FGD5: variants seen among roughly 807,000 people sequenced by gnomAD.
The protein encoded by FGD5 is FYVE, RhoGEF and PH domain containing 5.
FGD5 carries 28 observed loss-of-function variants against 133.4 expected under a neutral mutation model. The ratio of observed to expected loss-of-function variants is 0.21; its 90% CI spans 0.16 to 0.29. FGD5 has a LOEUF of 0.29. Ranked by LOEUF, FGD5 falls within the 10% of genes least tolerant of loss-of-function variation. FGD5 has a pLI of 1.00. For missense variants in FGD5, 1,858 were observed against 1,895.2 expected, an observed-to-expected ratio of 0.98 and a Z score of 0.36; for synonymous variants, 810 against 776.5, an observed-to-expected ratio of 1.04 and a Z score of -0.72.
At chr3:14,831,513 G>A (rs1388768498) in intron 1 of FGD5, among the ~76,000 whole-genome samples, 1 of 152,152 alleles carries the variant, frequency 6.6e-6, no homozygotes, top group African/African-American at 2.4e-5. Flanking sequence ...CTGCTCTGGA[G>A]TGGTTTGGAA....
upstream of FGD5, among the ~76,000 whole-genome samples, chr3:14,816,744 A>C (rs926383887): frequency 6.6e-6 from 1 of 152,202 alleles, no homozygotes; most frequent in Admixed American, 6.5e-5. Context: ...GTACGGAAAC[A>C]AGGAGTTTGA....
chr3:14,920,490 C>CA lies in FGD5; in HGVS notation c.3570-1414dup, dbSNP rs567110354. 2.9e-3 allele frequency: 397 copies of CA among 137,078 alleles called. 6 individuals are homozygous for CA. The South Asian group carries it at 0.039, about 13-fold the overall frequency. 8.5% of individuals were successfully genotyped at this position (137,078 alleles called of 1,614,324 possible). On this transcript the variant is annotated intron_variant, in intron 13 of 19. Transcript: ENST00000285046. ...TGGGCAACATAGTGAGACCCTGTCTCAAAAAAAAAAAAAATTTAAGCATTT... is the reference window on the plus strand; with the variant it reads ...TGGGCAACATAGTGAGACCCTGTCTCAAAAAAAAAAAAAAATTTAAGCATTT...
intron 4 of FGD5, among the ~76,000 whole-genome samples, chr3:14,888,757 G>T (rs1314829267): frequency 6.6e-6 from 1 of 152,214 alleles, no homozygotes; most frequent in Non-Finnish European, 1.5e-5. Context: ...AGCTTTGAAA[G>T]ATCAGCAAGA....
At chr3:14,835,621 C>CT (rs1329230692) in intron 1 of FGD5, among the ~76,000 whole-genome samples, 5 of 152,304 alleles carry the variant, frequency 3.3e-5, no homozygotes, top group Admixed American at 2.6e-4. Context: ...GCTTACAAAG[C>CT]TTTTTTCTCC....
At chr3:14,832,492 AG>A (rs2036731018) in intron 1 of FGD5, among the ~76,000 whole-genome samples, 1 of 152,212 alleles carries the variant, frequency 6.6e-6, no homozygotes, top group Non-Finnish European at 1.5e-5. Context: ...TCCAGCACCC[AG>A]GCTCTCAGCT....
intron 9 of FGD5, among the ~76,000 whole-genome samples, chr3:14,903,243 T>C (rs2125136980): frequency 6.6e-6 from 1 of 152,370 alleles, no homozygotes; most frequent in South Asian, 2.1e-4. Context: ...GAATAGACTT[T>C]ATTTTTTAAA....
At chr3:14,915,674 G>A (rs996465093) in intron 11 of FGD5, among the ~76,000 whole-genome samples, 3 of 152,086 alleles carry the variant, frequency 2.0e-5, no homozygotes, top group African/African-American at 7.2e-5. Flanking sequence ...TGTGTACAGA[G>A]CTCACCCTAG....
chr3:14,885,340 G>T (rs2037905031), intron 4 of FGD5, among the ~76,000 whole-genome samples: 1 of 151,924 alleles, frequency 6.6e-6, no homozygotes, highest in South Asian at 2.1e-4. Context: ...TCCAGAGTAG[G>T]CTTGCAAGAC....
intron 1 of FGD5, among the ~76,000 whole-genome samples, chr3:14,843,705 G>GTTT (rs1320831482): frequency 0.43 from 47,439 of 109,756 alleles, 8,990 homozygotes; most frequent in South Asian, 0.47. Context: ...TTTTTTTTTG[G>GTTT]GGGGAGACAG....
At chr3:14,835,616 C>A (rs1336551808) in intron 1 of FGD5, among the ~76,000 whole-genome samples, 1 of 152,190 alleles carries the variant, frequency 6.6e-6, no homozygotes, top group Non-Finnish European at 1.5e-5. Context: ...TTACAGCTTA[C>A]AAAGCTTTTT....
chr3:14,844,727 G>A (rs1241559974), intron 1 of FGD5, among the ~76,000 whole-genome samples: 7 of 152,258 alleles, frequency 4.6e-5, no homozygotes, highest in Non-Finnish European at 7.4e-5. Context: ...ATGAAATGGA[G>A]CTGATAATTC....
At chr3:14,877,390 C>G (rs2037740657) in intron 2 of FGD5, among the ~76,000 whole-genome samples, 1 of 152,102 alleles carries the variant, frequency 6.6e-6, no homozygotes. Context: ...GGGCCCGTGT[C>G]TGGACCCTAC....
At position 14,934,077 on chromosome 3, in the gene FGD5, T is replaced by C. The variant is rs751041118; in HGVS notation, c.*910T>C. 6.6e-6 allele frequency: 1 copy of C among 152,260 alleles called. No homozygotes were observed. The highest frequency in any genetic ancestry group is 2.4e-5 in the African/African-American group (1 of 41,454). The allele number at this position is 152,260 out of a possible 1,614,324, so 9.4% of individuals were successfully genotyped here. A position where few individuals can be genotyped will look rare whatever the true frequency, so the allele number is the denominator to read the frequency against. ...AAGCTGACAACATTGTTTATGGGAA[T>C]CTATCCTTCTTTTAGACACACGGTA... On this transcript the variant is annotated 3_prime_UTR_variant, in exon 20 of 20. Coordinates refer to ENST00000285046, the MANE Select transcript of FGD5 (RefSeq NM_152536.4).
At position 14,820,457 on chromosome 3, in the gene FGD5, G is replaced by A. The variant is rs770260786; in HGVS notation, c.1386G>A (p.Leu462=). 5 of 1,613,852 alleles carry A rather than the reference G, an allele frequency of 3.1e-6. No homozygotes were observed. In the Admixed American group the frequency reaches 6.7e-5, roughly 22 times the overall value. ...ALGGYGSKEE[L]NCEAEGGLVP... is the part of the protein sequence containing the mutation. ...GTGGTTATGGCTCGAAAGAAGAATT[G>A]AACTGTGAGGCAGAGGGTGGCCTGG... The change falls in exon 1 of 20, where the codon TTG becomes TTA. Residue 462 remains leucine (L), a synonymous_variant. Transcript: ENST00000285046.
intron 1 of FGD5, among the ~76,000 whole-genome samples, chr3:14,856,346 G>C (rs1178419574): frequency 2.6e-5 from 4 of 152,032 alleles, no homozygotes; most frequent in Admixed American, 6.5e-5. Flanking sequence ...GGATTGCTTT[G>C]GCTATTTGGG....
chr3:14,918,946 G>A lies in FGD5; in HGVS notation c.3569+113G>A. ...TATTTTGGTATCCTTCTGGGTCAAA[G>A]TATCCTTCTGGGTCAAAGGACTTTT... On this transcript the variant is annotated intron_variant, in intron 13 of 19. Coordinates refer to ENST00000285046, the MANE Select transcript of FGD5 (RefSeq NM_152536.4). 5 of 1,154,770 alleles carry A rather than the reference G, an allele frequency of 4.3e-6. No homozygotes were observed. In the Admixed American group the frequency reaches 6.0e-5, roughly 14 times the overall value. 71.5% of individuals were successfully genotyped at this position (1,154,770 alleles called of 1,614,324 possible). A position where few individuals can be genotyped will look rare whatever the true frequency, so the allele number is the denominator to read the frequency against.
Position 14,819,205 on chromosome 3 carries a change from G to A in FGD5, c.134G>A (p.Gly45Glu). 1.3e-6 allele frequency: 2 copies of A among 1,550,168 alleles called. No individual in the cohort carries two copies. The highest frequency in any genetic ancestry group is 1.7e-6 in the Non-Finnish European group (2 of 1,146,542). Residue 45 changes from glycine to glutamate, a missense_variant, in exon 1 of 20, where the codon GGG becomes GAG. Physicochemically the swap from Gly to Glu is moderately conservative, Grantham distance 98. Transcript: ENST00000285046. This position sits in a 1 kb window ranked among gnomAD's most constrained non-coding sequence, Gnocchi z 4.1. ...SNGRLPCVDRGLDEGPRSIPK... is the reference protein window; with the variant it reads ...SNGRLPCVDRELDEGPRSIPK... Reference sequence around the variant, plus strand: ...GGGCGGCTGCCCTGTGTAGACAGGGGGCTTGATGAGGGGCCCCGGTCCATC... The same window carrying A: ...GGGCGGCTGCCCTGTGTAGACAGGGAGCTTGATGAGGGGCCCCGGTCCATC...
intron 1 of FGD5, among the ~76,000 whole-genome samples, chr3:14,833,230 G>A (rs531590843): frequency 2.6e-5 from 4 of 152,234 alleles, no homozygotes; most frequent in Admixed American, 2.6e-4. Context: ...GAGTGTCTCC[G>A]AGTTGAGGTT....
intron 11 of FGD5, among the ~76,000 whole-genome samples, chr3:14,912,517 C>T (rs985483785): frequency 2.6e-5 from 4 of 152,216 alleles, no homozygotes; most frequent in Non-Finnish European, 5.9e-5. Context: ...CCCACAGATG[C>T]CTGAGTCCTT....
Sources: allele counts gnomAD v4.1 joint callset (sites outside exome capture counted in the v4.1 genomes callset), GRCh38; gene constraint gnomAD v4.1.1; non-coding constraint Gnocchi (gnomAD v3.1); transcripts MANE v1.5; gene names NCBI Gene and HGNC (gene_info 2026-07-23, HGNC 2026-07-21).